The following LRRTM4 variants were observed in gnomAD, a reference collection of about 807,000 sequenced individuals.
The protein encoded by LRRTM4 is leucine-rich repeat transmembrane neuronal protein 4.
A neutral mutation model predicts 47.6 loss-of-function variants in LRRTM4; 25 were observed. That is an observed-to-expected ratio of 0.53 (90% CI 0.38 to 0.73). LRRTM4 has a LOEUF of 0.73. Ranked by LOEUF, LRRTM4 falls within the 30% of genes least tolerant of loss-of-function variation. The probability of loss-of-function intolerance (pLI) is 0.00; values close to 1 mark genes in which losing one functional copy is unlikely to be tolerated. For synonymous variants in LRRTM4, 311 were observed against 269.5 expected (o/e 1.15, Z -1.51); for missense variants, 638 against 713.4 (o/e 0.89, Z 1.20).
At chr2:77,216,821 C>G (rs1674455955) in intron 3 of LRRTM4, among the ~76,000 whole-genome samples, 2 of 151,738 alleles carry the variant, frequency 1.3e-5, no homozygotes, top group Non-Finnish European at 2.9e-5. Flanking sequence ...GCCTGTAATC[C>G]CAGCACTTTG....
intron 3 of LRRTM4, among the ~76,000 whole-genome samples, chr2:77,333,936 G>C (rs1671064938): frequency 6.6e-6 from 1 of 152,210 alleles, no homozygotes; most frequent in East Asian, 1.9e-4. Context: ...AGCTGCCTAA[G>C]ACCATGGGAA....
intron 3 of LRRTM4, among the ~76,000 whole-genome samples, chr2:76,789,582 T>G (rs116665929): frequency 0.013 from 1,925 of 152,302 alleles, 42 homozygotes; most frequent in African/African-American, 0.043. Context: ...TAGGTTGTAT[T>G]TGTTTGTTTG....
At chr2:77,080,176 TTAA>T (rs1293958956) in intron 3 of LRRTM4, among the ~76,000 whole-genome samples, 1 of 152,220 alleles carries the variant, frequency 6.6e-6, no homozygotes, top group African/African-American at 2.4e-5. Context: ...TTTGAAAAAC[TTAA>T]TAACTCCCTT....
At chr2:76,778,877 T>C (rs1196700528) in intron 3 of LRRTM4, among the ~76,000 whole-genome samples, 3 of 151,902 alleles carry the variant, frequency 2.0e-5, no homozygotes, top group African/African-American at 7.3e-5. Flanking sequence ...GGATCTTTCC[T>C]GCTTTCTTTT....
intron 3 of LRRTM4, among the ~76,000 whole-genome samples, chr2:77,016,371 G>A (rs1229626752): frequency 1.4e-5 from 2 of 145,516 alleles, no homozygotes; most frequent in Non-Finnish European, 3.0e-5. Flanking sequence ...GCGACAGAGG[G>A]AGAACTCCAT....
chr2:77,201,501 A>G (rs1002247470), intron 3 of LRRTM4, among the ~76,000 whole-genome samples: 5 of 152,152 alleles, frequency 3.3e-5, no homozygotes, highest in Admixed American at 6.6e-5. Flanking sequence ...TTGGTTGACA[A>G]AACATTTTCA....
intron 3 of LRRTM4, among the ~76,000 whole-genome samples, chr2:76,916,907 A>G (rs1284582945): frequency 2.6e-5 from 4 of 152,224 alleles, no homozygotes; most frequent in Admixed American, 6.5e-5. Flanking sequence ...AAACCATCAC[A>G]TTGCAAATAA....
intron 3 of LRRTM4, among the ~76,000 whole-genome samples, chr2:77,464,833 G>A (rs1362305104): frequency 6.6e-6 from 1 of 152,110 alleles, no homozygotes; most frequent in Non-Finnish European, 1.5e-5. Flanking sequence ...CAGAACCTCT[G>A]GGTTGGGCAA....
intron 3 of LRRTM4, among the ~76,000 whole-genome samples, chr2:77,159,777 T>C (rs1253880640): frequency 2.0e-5 from 3 of 151,724 alleles, no homozygotes; most frequent in Non-Finnish European, 4.4e-5. Context: ...ACATCATGAT[T>C]TCTGTATGAC....
intron 3 of LRRTM4, among the ~76,000 whole-genome samples, chr2:77,468,741 GCTC>G (rs1287267640): frequency 1.3e-5 from 2 of 152,058 alleles, no homozygotes; most frequent in African/African-American, 4.8e-5. Context: ...CTCTCTCCCT[GCTC>G]TCCTCCTGGT....
intron 3 of LRRTM4, among the ~76,000 whole-genome samples, chr2:77,207,142 T>TTATATATA (rs35745580): frequency 2.6e-4 from 36 of 136,852 alleles, no homozygotes; most frequent in African/African-American, 8.6e-4. Context: ...TATTTTATAT[T>TTATATATA]TATATATATA....
intron 3 of LRRTM4, among the ~76,000 whole-genome samples, chr2:77,382,022 A>G (rs1242792404): frequency 6.6e-6 from 1 of 152,072 alleles, no homozygotes; most frequent in Non-Finnish European, 1.5e-5. Context: ...TCCATGTGAT[A>G]TGGATATCTA....
intron 3 of LRRTM4, among the ~76,000 whole-genome samples, chr2:76,981,124 T>C (rs1162601883): frequency 1.3e-5 from 2 of 152,144 alleles, no homozygotes; most frequent in Non-Finnish European, 1.5e-5. Flanking sequence ...TAATCATTTA[T>C]CTTGTTGTTA....
At chr2:76,911,835 T>C (rs1478757700) in intron 3 of LRRTM4, among the ~76,000 whole-genome samples, 1 of 151,010 alleles carries the variant, frequency 6.6e-6, no homozygotes, top group African/African-American at 2.4e-5. Flanking sequence ...TGCCTGTGTG[T>C]GTGTATATTT....
At chr2:77,393,422 GA>G (rs1673581192) in intron 3 of LRRTM4, among the ~76,000 whole-genome samples, 2 of 151,946 alleles carry the variant, frequency 1.3e-5, no homozygotes, top group South Asian at 4.1e-4. Context: ...TGGCAAGTAG[GA>G]GTCTCACCAG....
At chr2:77,106,332 C>T (rs567837995) in intron 3 of LRRTM4, among the ~76,000 whole-genome samples, 9 of 152,250 alleles carry the variant, frequency 5.9e-5, no homozygotes, top group African/African-American at 1.9e-4. Context: ...GTTTATGTTA[C>T]ATCTACAGAA....
chr2:77,044,628 T>C (rs10187204), intron 3 of LRRTM4, among the ~76,000 whole-genome samples: 33,324 of 144,376 alleles, frequency 0.23, 3,807 homozygotes, highest in East Asian at 0.3. Flanking sequence ...TTTTTTTGGC[T>C]ATATATATAT....
Position 77,057,606 on chromosome 2 carries a change from C to G in LRRTM4, c.1552-308690G>C, listed in dbSNP as rs370108307. On this transcript the variant is annotated intron_variant, in intron 3 of 3. Transcript: ENST00000409884. ...GAAATTAAGAACCAACCCAGCTAGT[C>G]CAGTGATTTAAAATCCCAGCTGCAC... Among the ~76,000 whole-genome samples, 3 of 152,250 alleles carry G rather than the reference C, an allele frequency of 2.0e-5. 1 individual carries two copies. The highest frequency in any genetic ancestry group is 7.2e-5 in the African/African-American group (3 of 41,546).
chr2:76,792,974 T>C (rs549712635), intron 3 of LRRTM4, among the ~76,000 whole-genome samples: 2 of 152,264 alleles, frequency 1.3e-5, no homozygotes, highest in South Asian at 4.2e-4. Flanking sequence ...TTACTTTGTC[T>C]TGATGGAAAG....
Sources: gnomAD v4.1 joint callset for allele counts (sites outside exome capture counted in the v4.1 genomes callset) on GRCh38, gnomAD v4.1.1 for gene constraint, MANE v1.5 for transcripts, NCBI Gene and HGNC (gene_info 2026-07-23, HGNC 2026-07-21) for gene names.